Variants in BRPF3 observed in about 807,000 individuals in gnomAD.
The protein encoded by BRPF3 is bromodomain and PHD finger-containing protein 3.
A neutral mutation model predicts 102.0 loss-of-function variants in BRPF3; 18 were observed. The ratio of observed to expected loss-of-function variants is 0.18; its 90% CI spans 0.12 to 0.26. BRPF3 has a LOEUF of 0.26. Among genes scored for constraint, BRPF3 ranks in the 10% least tolerant of loss-of-function variants. BRPF3 has a pLI of 1.00. For synonymous variants in BRPF3, 570 were observed against 614.2 expected, an observed-to-expected ratio of 0.93 and a Z score of 1.06; for missense variants, 1,147 against 1,567.8, an observed-to-expected ratio of 0.73 and a Z score of 4.53.
At position 36,230,806 on chromosome 6, in the gene BRPF3, C is replaced by A; in HGVS notation, c.*197C>A. The A allele has an allele frequency of 3.2e-6, 2 of 617,802 alleles. No individual in the cohort carries two copies. Among genetic ancestry groups the A allele is most frequent in the Non-Finnish European group, 5.5e-6 (2 of 365,570 alleles). 38.3% of individuals were successfully genotyped at this position (617,802 alleles called of 1,614,324 possible). On this transcript the variant is annotated 3_prime_UTR_variant, in exon 13 of 13. Transcript: ENST00000357641. The surrounding 1 kb of genome is among the most constrained non-coding windows in gnomAD (Gnocchi z 5.4). ...TTCTCCTGGCAGGCCTGCTGTGTGC[C>A]AAAAACTCCCACCCAAGGTCCCTCA...
At chr6:36,228,533 T>C (rs1348811613) in intron 11 of BRPF3, among the ~76,000 whole-genome samples, 1 of 152,140 alleles carries the variant, frequency 6.6e-6, no homozygotes, top group Non-Finnish European at 1.5e-5. Context: ...ATCTGGTCCA[T>C]GTATCAGGAA....
chr6:36,211,854 G>C (rs532734353), intron 7 of BRPF3, among the ~76,000 whole-genome samples: 2 of 152,302 alleles, frequency 1.3e-5, no homozygotes, highest in South Asian at 4.1e-4. Flanking sequence ...GGAGTTTCAG[G>C]TGCTGCAGCC....
intron 9 of BRPF3, among the ~76,000 whole-genome samples, chr6:36,218,785 G>T (rs1044650901): frequency 2.0e-4 from 31 of 152,192 alleles, no homozygotes; most frequent in African/African-American, 6.7e-4. Flanking sequence ...TCAGACAAAG[G>T]CCCCAAAGCT....
Position 36,210,635 on chromosome 6 carries a change from A to C in BRPF3, c.2179+107A>C. On this transcript the variant is annotated intron_variant, in intron 6 of 12. Transcript: ENST00000357641. This position sits in a 1 kb window ranked among gnomAD's most constrained non-coding sequence, Gnocchi z 4.7. ...GTCCTTGGGGCTATAGGTAGACTCCAGGAGCAAAGCTGAGGGTGAGCACAG... is the reference window on the plus strand; with the variant it reads ...GTCCTTGGGGCTATAGGTAGACTCCCGGAGCAAAGCTGAGGGTGAGCACAG... 9.5e-7 allele frequency: 1 copy of C among 1,052,984 alleles called. No individual in the cohort carries two copies. Among genetic ancestry groups the C allele is most frequent in the Non-Finnish European group, 1.4e-6 (1 of 739,200 alleles). 65.2% of individuals were successfully genotyped at this position (1,052,984 alleles called of 1,614,324 possible). A position where few individuals can be genotyped will look rare whatever the true frequency, so the allele number is the denominator to read the frequency against.
At chr6:36,205,467 T>C (rs1357480407) in intron 3 of BRPF3, among the ~76,000 whole-genome samples, 2 of 152,250 alleles carry the variant, frequency 1.3e-5, no homozygotes, top group Non-Finnish European at 2.9e-5. Context: ...CTTTTGCCTT[T>C]TATAACTAAA....
chr6:36,199,998 A>G (rs1417970716), intron 1 of BRPF3, among the ~76,000 whole-genome samples: 8 of 152,260 alleles, frequency 5.3e-5, no homozygotes, highest in Non-Finnish European at 1.0e-4. Context: ...GTAGCATGGT[A>G]TAAGATGATG....
chr6:36,199,608 G>A (rs1195310610), intron 1 of BRPF3, among the ~76,000 whole-genome samples: 2 of 152,220 alleles, frequency 1.3e-5, no homozygotes, highest in Non-Finnish European at 2.9e-5. Flanking sequence ...GGGGCCCATT[G>A]TTCACGTACA....
chr6:36,229,980 A>T (rs923451322), intron 12 of BRPF3, among the ~76,000 whole-genome samples: 2 of 152,122 alleles, frequency 1.3e-5, no homozygotes, highest in African/African-American at 4.8e-5. Flanking sequence ...AGCTTTAAAA[A>T]CACATACACA....
intron 9 of BRPF3, among the ~76,000 whole-genome samples, chr6:36,219,470 C>T (rs191664615): frequency 6.6e-6 from 1 of 152,268 alleles, no homozygotes; most frequent in Admixed American, 6.5e-5. Context: ...GGATTGGACC[C>T]ATCAAACTAT....
rs1441510537 is a variant in BRPF3, at chr6:36,196,922, C to T, written c.-75C>T. 6.6e-6 allele frequency: 1 copy of T among 151,520 alleles called. No homozygotes were observed. The highest frequency in any genetic ancestry group is 2.0e-4 in the East Asian group (1 of 5,120). 9.4% of individuals were successfully genotyped at this position (151,520 alleles called of 1,614,324 possible). On this transcript the variant is annotated 5_prime_UTR_variant, in exon 1 of 13. Coordinates refer to ENST00000357641, the MANE Select transcript of BRPF3 (RefSeq NM_015695.3). ...CGCGCCGACCTGCTCGGCGGCCTGCCCGCCCGCGCCCAGGGGCCCCGAACG... is the reference window on the plus strand; with the variant it reads ...CGCGCCGACCTGCTCGGCGGCCTGCTCGCCCGCGCCCAGGGGCCCCGAACG...
intron 9 of BRPF3, among the ~76,000 whole-genome samples, chr6:36,221,586 A>G (rs1273223606): frequency 1.3e-5 from 2 of 152,168 alleles, no homozygotes; most frequent in African/African-American, 2.4e-5. Flanking sequence ...CACCCAGCCC[A>G]CTTTTTACTT....
At chr6:36,229,352 G>C (rs956297385) in intron 12 of BRPF3, among the ~76,000 whole-genome samples, 1 of 152,232 alleles carries the variant, frequency 6.6e-6, no homozygotes, top group Non-Finnish European at 1.5e-5. Context: ...TGCTGCCTCA[G>C]CTCATCCACT....
intron 1 of BRPF3, among the ~76,000 whole-genome samples, chr6:36,198,881 G>A (rs1028899971): frequency 3.9e-5 from 6 of 152,182 alleles, no homozygotes; most frequent in African/African-American, 1.4e-4. Context: ...TCTCTTGGCT[G>A]TACAAGGATA....
Position 36,200,338 on chromosome 6 carries a change from C to T in BRPF3, c.16C>T (p.Arg6Trp), listed in dbSNP as rs1767648210. The change falls in exon 2 of 13, where the codon CGG becomes TGG. Residue 6 changes from arginine to tryptophan, a missense_variant. By Grantham distance (101) the Arg-to-Trp change is moderately radical. Coordinates refer to ENST00000357641, the MANE Select transcript of BRPF3 (RefSeq NM_015695.3). The surrounding 1 kb of genome is among the most constrained non-coding windows in gnomAD (Gnocchi z 5.3). The part of the protein sequence containing the change: MRKPR[R>W]KSRQNAEGRR... ...CCCAGGTGCCATGAGGAAGCCTCGT[C>T]GGAAGTCCCGGCAGAATGCCGAGGG... The T allele has an allele frequency of 1.2e-6, 2 of 1,613,574 alleles. No individual in the cohort carries two copies. The highest frequency in any genetic ancestry group is 1.1e-5 in the South Asian group (1 of 91,036).
intron 11 of BRPF3, among the ~76,000 whole-genome samples, 179 bp from the exon 12 acceptor site, chr6:36,228,723 C>A (rs1768829256): frequency 1.3e-5 from 2 of 152,222 alleles, no homozygotes; most frequent in South Asian, 4.1e-4. Flanking sequence ...GTGACCTCTA[C>A]TCTTCTGTCC....
chr6:36,217,019 C>G (rs770526923), intron 8 of BRPF3, among the ~76,000 whole-genome samples: 3 of 152,130 alleles, frequency 2.0e-5, no homozygotes, highest in Non-Finnish European at 2.9e-5. Flanking sequence ...GCCTGGGCAA[C>G]AGAGCGAGAC....
chr6:36,227,966 G>A (rs541842223), intron 11 of BRPF3, among the ~76,000 whole-genome samples: 1 of 152,330 alleles, frequency 6.6e-6, no homozygotes, highest in African/African-American at 2.4e-5. Context: ...TGTCTCTGGA[G>A]AAGGCTGCTT....
At chr6:36,203,289 AACCCACC>A (rs1425431800) in intron 2 of BRPF3, among the ~76,000 whole-genome samples, 1 of 152,220 alleles carries the variant, frequency 6.6e-6, no homozygotes, top group East Asian at 1.9e-4. Context: ...TTTGTAAATG[AACCCACC>A]ACATAGAGTT....
In BRPF3 at chr6:36,204,827, G is replaced by C; in HGVS notation, c.1605+13G>C. The C allele has an allele frequency of 6.2e-7, 1 of 1,610,128 alleles. No homozygotes were observed. Among genetic ancestry groups the C allele is most frequent in the Non-Finnish European group, 8.5e-7 (1 of 1,176,750 alleles). ...AAACGCTGAGCAGGTAGGTGCAGTG[G>C]TGATTTGAGGCTGGTAGAGGGAGGT... is the stretch of plus-strand genomic sequence containing the variant. On this transcript the variant is annotated intron_variant, in intron 3 of 12. Coordinates refer to ENST00000357641, the MANE Select transcript of BRPF3 (RefSeq NM_015695.3).
Sources: allele counts gnomAD v4.1 joint callset (sites outside exome capture counted in the v4.1 genomes callset), GRCh38; gene constraint gnomAD v4.1.1; non-coding constraint Gnocchi (gnomAD v3.1); transcripts MANE v1.5; gene names NCBI Gene and HGNC (gene_info 2026-07-23, HGNC 2026-07-21).